SLMAP: variants seen among roughly 807,000 people sequenced by gnomAD.
SLMAP encodes sarcolemmal membrane-associated protein.
SLMAP carries 44 observed loss-of-function variants against 128.8 expected under a neutral mutation model. The ratio of observed to expected loss-of-function variants is 0.34; its 90% CI spans 0.27 to 0.44. SLMAP has a LOEUF of 0.44. Ranked by LOEUF, SLMAP falls within the 20% of genes least tolerant of loss-of-function variation. The pLI, the probability that SLMAP is intolerant of heterozygous loss-of-function variation, is 1.00. For missense variants in SLMAP, 787 were observed against 985.3 expected (o/e 0.80, Z 2.69); for synonymous variants, 327 against 348.8 (o/e 0.94, Z 0.70).
chr3:57,776,526 T>C (rs112877287), intron 2 of SLMAP, among the ~76,000 whole-genome samples: 6 of 104,368 alleles, frequency 5.7e-5, no homozygotes, highest in Middle Eastern at 4.5e-3. Context: ...CTCTCTCTTT[T>C]TTTTTTTTTT....
At chr3:57,808,015 A>G (rs967774438) in intron 2 of SLMAP, among the ~76,000 whole-genome samples, 1 of 152,166 alleles carries the variant, frequency 6.6e-6, no homozygotes, top group Non-Finnish European at 1.5e-5. Context: ...GTATGTGTCC[A>G]GGACTTTATG....
intron 17 of SLMAP, chr3:57,901,275 A>G (rs1401164995): frequency 6.6e-6 from 1 of 152,212 alleles, no homozygotes; most frequent in Non-Finnish European, 1.5e-5. Context: ...TGAGGACCCC[A>G]CAGGGAGACT....
intron 17 of SLMAP, chr3:57,900,575 G>A (rs1293230263): frequency 6.6e-6 from 1 of 152,310 alleles, no homozygotes; most frequent in Non-Finnish European, 1.5e-5. Flanking sequence ...CAACACTATG[G>A]GAGGCTGAGG....
chr3:57,831,551 T>C, intron 3 of SLMAP, 21 bp downstream of exon 3: 1 of 1,432,400 alleles, frequency 7.0e-7, no homozygotes, highest in Non-Finnish European at 9.3e-7. Flanking sequence ...GGATCACTTT[T>C]TTTATTACTT....
rs2094611011 is a variant in SLMAP, at chr3:57,853,958, TATATA to T, written c.520-3774_520-3770del. Among the ~76,000 whole-genome samples the T allele has an allele frequency of 6.1e-3, 316 of 51,828 alleles. 5 individuals carry two copies. In the East Asian group the frequency reaches 0.08, roughly 13 times the overall value. 34.0% of individuals were successfully genotyped at this position (51,828 alleles called of 152,430 possible). A position where few individuals can be genotyped will look rare whatever the true frequency, so the allele number is the denominator to read the frequency against. ...TTCTGTCTCAAAAAAAAAAAAATTATATATATATATATATATATATATATATATAT... is the reference window on the plus strand; with the variant it reads ...TTCTGTCTCAAAAAAAAAAAAATTATTATATATATATATATATATATATAT... On this transcript the variant is annotated intron_variant, in intron 6 of 24. Transcript: ENST00000671191.
rs899877536 is a variant in SLMAP at position 57,929,710 on chromosome 3, T to C, written c.*2421T>C. Among the ~76,000 whole-genome samples, 2 of 152,208 alleles carry C rather than the reference T, an allele frequency of 1.3e-5. No individual in the cohort carries two copies. Among genetic ancestry groups the C allele is most frequent in the Non-Finnish European group, 2.9e-5 (2 of 68,030 alleles). ...TTAGAGAATAAAAAGAACGTGGTGT[T>C]TGAAGCAAAACAGATCTGTATTGGC... On this transcript the variant is annotated 3_prime_UTR_variant, in exon 25 of 25. Coordinates refer to ENST00000671191, the MANE Select transcript of SLMAP (RefSeq NM_001377540.1).
chr3:57,791,993 C>A (rs2085570911), intron 2 of SLMAP, among the ~76,000 whole-genome samples: 1 of 152,016 alleles, frequency 6.6e-6, no homozygotes, highest in Admixed American at 6.6e-5. Context: ...ATTGTTTGAA[C>A]TTAAGTTACA....
intron 14 of SLMAP, 76 bp downstream of exon 14, chr3:57,871,774 G>T: frequency 9.2e-7 from 1 of 1,092,128 alleles, no homozygotes; most frequent in South Asian, 1.3e-5. Flanking sequence ...GTAAAATGAG[G>T]ATCTCAATGT....
intron 17 of SLMAP, among the ~76,000 whole-genome samples, chr3:57,904,598 A>G (rs1051866839): frequency 1.3e-5 from 2 of 152,216 alleles, no homozygotes; most frequent in African/African-American, 4.8e-5. Context: ...ACATTTTGAC[A>G]GTTGTCTCAG....
chr3:57,862,031 C>T lies in SLMAP; in HGVS notation c.911C>T (p.Ala304Val), dbSNP rs200574342. Residue 304 changes from alanine to valine, a missense_variant, in exon 10 of 25, where the codon GCC (alanine) becomes GTC (valine). This residue lies in a region of SLMAP where 715 missense variants were observed against 843.6 expected (regional missense o/e 0.85). Coordinates refer to ENST00000671191, the MANE Select transcript of SLMAP (RefSeq NM_001377540.1). The part of the protein sequence containing the change: ...ERTQEELREL[A>V]NKYNGAVNEI... ...ACTCAGGAAGAATTAAGAGAATTAGCCAACAAATATAATGGAGCAGTTAAT... is the reference window on the plus strand; with the variant it reads ...ACTCAGGAAGAATTAAGAGAATTAGTCAACAAATATAATGGAGCAGTTAAT... 24 of 1,597,086 alleles carry T rather than the reference C, an allele frequency of 1.5e-5. No homozygotes were observed. Among genetic ancestry groups the T allele is most frequent in the African/African-American group, 2.7e-5 (2 of 74,664 alleles).
intron 2 of SLMAP, among the ~76,000 whole-genome samples, chr3:57,828,743 T>C (rs752376673): frequency 2.6e-4 from 39 of 152,112 alleles, no homozygotes; most frequent in Non-Finnish European, 3.2e-4. Flanking sequence ...AATATAGACA[T>C]GTCAGAATGA....
At chr3:57,813,094 G>A (rs1459260494) in intron 2 of SLMAP, among the ~76,000 whole-genome samples, 2 of 140,970 alleles carry the variant, frequency 1.4e-5, no homozygotes, top group Admixed American at 1.4e-4. Flanking sequence ...CCGTTTGGAT[G>A]CTTTTTTTTT....
chr3:57,808,261 G>A (rs2090288485), intron 2 of SLMAP, among the ~76,000 whole-genome samples: 1 of 151,740 alleles, frequency 6.6e-6, no homozygotes, highest in South Asian at 2.1e-4. Flanking sequence ...ATCTCCTTTA[G>A]TTCTGCTCTC....
intron 2 of SLMAP, among the ~76,000 whole-genome samples, chr3:57,813,252 T>C (rs2091315221): frequency 6.6e-6 from 1 of 152,084 alleles, no homozygotes; most frequent in Non-Finnish European, 1.5e-5. Flanking sequence ...TGCGCCACTG[T>C]GCCCAGCTAA....
Position 57,814,431 on chromosome 3 carries a change from G to A in SLMAP, c.199-16952G>A, listed in dbSNP as rs185814173. 4.1e-4 allele frequency among the ~76,000 whole-genome samples: 63 copies of A among 152,208 alleles called. 1 individual carries two copies. The East Asian group carries it at 6.2e-3, about 15-fold the overall frequency. ...GCTGAGGTTACAGGTGTGAGCCACC[G>A]TGCCCAGTCCTCTGAGCATTATTCT... On this transcript the variant is annotated intron_variant, in intron 2 of 24. Transcript: ENST00000671191.
At chr3:57,851,356 T>G (rs1182597191) in intron 6 of SLMAP, among the ~76,000 whole-genome samples, 4 of 151,896 alleles carry the variant, frequency 2.6e-5, no homozygotes, top group African/African-American at 9.7e-5. Flanking sequence ...TGGGTTGTTT[T>G]TTTTTTTTTT....
intron 2 of SLMAP, among the ~76,000 whole-genome samples, chr3:57,809,859 G>T (rs1479420389): frequency 6.6e-6 from 1 of 152,174 alleles, no homozygotes; most frequent in African/African-American, 2.4e-5. Context: ...GCTCCTCTTT[G>T]CCTTGCTCAC....
At chr3:57,864,894 T>G (rs548433112) in intron 12 of SLMAP, 37 bp downstream of exon 12, 29 of 1,498,566 alleles carry the variant, frequency 1.9e-5, no homozygotes, top group Admixed American at 4.5e-5. Flanking sequence ...AAACCTGAAT[T>G]TTATCCTTAA....
chr3:57,883,677 A>G (rs1038601245), intron 14 of SLMAP, among the ~76,000 whole-genome samples: 20 of 152,152 alleles, frequency 1.3e-4, no homozygotes, highest in African/African-American at 4.8e-4. Flanking sequence ...TACAGTGGAT[A>G]ATAGATGCCA....
Sources: allele counts gnomAD v4.1 joint callset (sites outside exome capture counted in the v4.1 genomes callset), GRCh38; gene constraint gnomAD v4.1.1; regional missense constraint gnomAD v4.1.1; transcripts MANE v1.5; gene names NCBI Gene and HGNC (gene_info 2026-07-23, HGNC 2026-07-21).